Variants in NAP1L4 observed in about 807,000 individuals in gnomAD.
NAP1L4 encodes the protein nucleosome assembly protein 1 like 4.
Under a neutral mutation model 58.2 loss-of-function variants are expected in NAP1L4, and 15 were observed. The ratio of observed to expected loss-of-function variants is 0.26; its 90% CI spans 0.17 to 0.40. The LOEUF (loss-of-function observed/expected upper bound fraction) is 0.40, where lower values mean the gene tolerates loss of function less well. Ranked by LOEUF, NAP1L4 falls within the 10% of genes least tolerant of loss-of-function variation. The probability of loss-of-function intolerance (pLI) is 1.00; values close to 1 mark genes in which losing one functional copy is unlikely to be tolerated. For missense variants in NAP1L4, 384 were observed against 451.1 expected, an observed-to-expected ratio of 0.85 and a Z score of 1.35; for synonymous variants, 171 against 155.6, an observed-to-expected ratio of 1.10 and a Z score of -0.74.
Position 2,955,417 on chromosome 11 carries a change from A to G in NAP1L4, c.915+327T>C, listed in dbSNP as rs1436334523. ...AACGGGGTTTCACCATGTTGACCAG[A>G]CTGGTCTTGAACTCCTGACCTCTGG... On this transcript the variant is annotated intron_variant, in intron 11 of 15. Coordinates refer to ENST00000380542, the MANE Select transcript of NAP1L4 (RefSeq NM_005969.4). The surrounding 1 kb of genome is among the most constrained non-coding windows in gnomAD (Gnocchi z 4.2). Among the ~76,000 whole-genome samples, 1 of 151,280 alleles carries G rather than the reference A, an allele frequency of 6.6e-6. No individual in the cohort carries two copies. Among genetic ancestry groups the G allele is most frequent in the Non-Finnish European group, 1.5e-5 (1 of 67,828 alleles).
chr11:2,985,669 T>A (rs1848575541), intron 1 of NAP1L4, among the ~76,000 whole-genome samples: 1 of 152,190 alleles, frequency 6.6e-6, no homozygotes, highest in Non-Finnish European at 1.5e-5. Context: ...GCATTATACA[T>A]CATAAATATA....
intron 1 of NAP1L4, chr11:2,991,146 G>A (rs943428382): frequency 4.4e-6 from 2 of 456,050 alleles, no homozygotes; most frequent in African/African-American, 4.0e-5. Flanking sequence ...CAGTCACCCA[G>A]GCAGGTGATG....
chr11:2,970,057 T>C (rs1299801983), intron 6 of NAP1L4, 123 bp from the exon 7 acceptor site: 1 of 1,041,328 alleles, frequency 9.6e-7, no homozygotes, highest in Non-Finnish European at 1.3e-6. Flanking sequence ...TTTCTAAGTC[T>C]GCACCTCCAA....
intron 1 of NAP1L4, among the ~76,000 whole-genome samples, chr11:2,988,538 G>A (rs1363752848): frequency 6.6e-6 from 1 of 152,198 alleles, no homozygotes; most frequent in Non-Finnish European, 1.5e-5. Flanking sequence ...GTAAACAGAT[G>A]CAAATCACTG....
chr11:2,977,816 A>G (rs1848055121), intron 3 of NAP1L4, among the ~76,000 whole-genome samples: 1 of 151,646 alleles, frequency 6.6e-6, no homozygotes, highest in Non-Finnish European at 1.5e-5. Flanking sequence ...GAACAAAATG[A>G]CATTCTTAGG....
chr11:2,971,065 CA>C lies in NAP1L4; in HGVS notation c.402+382del, dbSNP rs1465471607. 6.6e-6 allele frequency among the ~76,000 whole-genome samples: 1 copy of C among 152,258 alleles called. No homozygotes were observed. Among genetic ancestry groups the C allele is most frequent in the Non-Finnish European group, 1.5e-5 (1 of 68,048 alleles). ...ACCAATCCACTGGCGGAGCACCTCT[CA>C]GGGGGCAAGCTAGTCCATGCCACTG... On this transcript the variant is annotated intron_variant, in intron 6 of 15. Transcript: ENST00000380542. This position sits in a 1 kb window ranked among gnomAD's most constrained non-coding sequence, Gnocchi z 4.2.
At chr11:2,981,474 G>A (rs1848307916) in intron 1 of NAP1L4, among the ~76,000 whole-genome samples, 2 of 144,564 alleles carry the variant, frequency 1.4e-5, no homozygotes, top group Non-Finnish European at 3.0e-5. Context: ...GGCTGGCTAT[G>A]CTCACCACCA....
intron 8 of NAP1L4, among the ~76,000 whole-genome samples, chr11:2,964,058 G>A (rs1041116514): frequency 6.6e-6 from 1 of 152,052 alleles, no homozygotes; most frequent in Non-Finnish European, 1.5e-5. Context: ...GCCATGGCAA[G>A]CATATTGTAA....
At chr11:2,983,994 GAAA>G (rs60380157) in intron 1 of NAP1L4, among the ~76,000 whole-genome samples, 2 of 137,196 alleles carry the variant, frequency 1.5e-5, no homozygotes, top group African/African-American at 2.8e-5. Flanking sequence ...AAAACAAAAA[GAAA>G]AAAAAAAAAA....
rs541341332 is a variant in NAP1L4, at chr11:2,946,844, T to C, written c.*33-1198A>G. ...CTGACATTCAAGGGTAGACTGAAGG[T>C]GGCCCAGTGTAGTGGCCAAGAACAC... On this transcript the variant is annotated intron_variant, in intron 15 of 15. Coordinates refer to ENST00000380542, the MANE Select transcript of NAP1L4 (RefSeq NM_005969.4). This position sits in a 1 kb window ranked among gnomAD's most constrained non-coding sequence, Gnocchi z 4.8. Among the ~76,000 whole-genome samples, 3 of 152,068 alleles carry C rather than the reference T, an allele frequency of 2.0e-5. No homozygotes were observed. Among genetic ancestry groups the C allele is most frequent in the Non-Finnish European group, 4.4e-5 (3 of 67,978 alleles).
chr11:2,951,759 C>T lies in NAP1L4; in HGVS notation c.1065+21G>A. On this transcript the variant is annotated intron_variant, in intron 13 of 15. Transcript: ENST00000380542. This position sits in a 1 kb window ranked among gnomAD's most constrained non-coding sequence, Gnocchi z 4.0. ...AACAACTTCAGGGAGGTAAGTGGCA[C>T]TGCATAAACCTGTCTCTTACCTCCT... 1 of 1,613,096 alleles carries T rather than the reference C, an allele frequency of 6.2e-7. No homozygotes were observed. Among genetic ancestry groups the T allele is most frequent in the Non-Finnish European group, 8.5e-7 (1 of 1,179,160 alleles).
chr11:2,961,988 A>C (rs1846948785), intron 8 of NAP1L4, among the ~76,000 whole-genome samples: 1 of 152,250 alleles, frequency 6.6e-6, no homozygotes, highest in South Asian at 2.1e-4. Flanking sequence ...AGACTGCTTC[A>C]TTCACACACG....
chr11:2,989,390 C>A (rs1848824137), intron 1 of NAP1L4: 1 of 152,198 alleles, frequency 6.6e-6, no homozygotes, highest in African/African-American at 2.4e-5. Flanking sequence ...TAACAGCACT[C>A]GCCTATTTCA....
Position 2,986,383 on chromosome 11 carries a change from AAAAAG to A in NAP1L4, c.-18+5866_-18+5870del, listed in dbSNP as rs766864847. Among the ~76,000 whole-genome samples the A allele has an allele frequency of 8.5e-3, 637 of 74,764 alleles. 2 individuals are homozygous for A. The highest frequency in any genetic ancestry group is 0.034 in the East Asian group (21 of 610). The allele number at this position is 74,764 out of a possible 152,430, so 49.0% of individuals were successfully genotyped here. ...AGCCAGACCCTGTCTCAAAAAAAAAAAAAAGAAAAAGAAAGGAAAAAAAAATTGGG... is the reference window on the plus strand; with the variant it reads ...AGCCAGACCCTGTCTCAAAAAAAAAAAAAAAGAAAGGAAAAAAAAATTGGG... On this transcript the variant is annotated intron_variant, in intron 1 of 15. Coordinates refer to ENST00000380542, the MANE Select transcript of NAP1L4 (RefSeq NM_005969.4).
rs150741079 is a variant in NAP1L4 at position 2,981,374 on chromosome 11, C to T, written c.-17-2137G>A. On this transcript the variant is annotated intron_variant, in intron 1 of 15. Coordinates refer to ENST00000380542, the MANE Select transcript of NAP1L4 (RefSeq NM_005969.4). ...TGGCGGCTGCAGTGACCTATGACTG[C>T]GCCACTGAACTCCAGCCTGGACAAC... 6.4e-3 allele frequency among the ~76,000 whole-genome samples: 854 copies of T among 133,310 alleles called. 6 individuals are homozygous for T. The highest frequency in any genetic ancestry group is 0.022 in the African/African-American group (800 of 36,046). The allele number at this position is 133,310 out of a possible 152,430, so 87.5% of individuals were successfully genotyped here.
At chr11:2,965,053 C>A (rs1847181499) in intron 7 of NAP1L4, among the ~76,000 whole-genome samples, 1 of 152,230 alleles carries the variant, frequency 6.6e-6, no homozygotes, top group Non-Finnish European at 1.5e-5. Flanking sequence ...GCCTTCACTG[C>A]TTTCCTGCCA....
rs1304210424 is a variant in NAP1L4, at chr11:2,969,836, G to A, written c.501C>T (p.Phe167=). The change falls in exon 7 of 16, where the codon TTC becomes TTT. Residue 167 remains phenylalanine, a synonymous_variant. Coordinates refer to ENST00000380542, the MANE Select transcript of NAP1L4 (RefSeq NM_005969.4). ...ATTCACTCAGCATGTCCACATTTCT[G>A]AAGATGGTAAACCAGAACTCTGGAA... ...KGIPEFWFTI[F]RNVDMLSELV... is the part of the protein sequence containing the mutation. 5 of 1,613,592 alleles carry A rather than the reference G, an allele frequency of 3.1e-6. No individual in the cohort carries two copies. Among genetic ancestry groups the A allele is most frequent in the African/African-American group, 1.3e-5 (1 of 74,910 alleles).
At chr11:2,976,966 T>C (rs1370335840) in intron 3 of NAP1L4, among the ~76,000 whole-genome samples, 1 of 149,506 alleles carries the variant, frequency 6.7e-6, no homozygotes, top group African/African-American at 2.5e-5. Flanking sequence ...TATTCTCCCA[T>C]CCCGAGTATT....
At chr11:2,985,621 A>G (rs1185705776) in intron 1 of NAP1L4, among the ~76,000 whole-genome samples, 1 of 152,244 alleles carries the variant, frequency 6.6e-6, no homozygotes, top group East Asian at 1.9e-4. Context: ...AATTAACTTG[A>G]CTTAGCCATT....
Sources: allele counts gnomAD v4.1 joint callset (sites outside exome capture counted in the v4.1 genomes callset), GRCh38; gene constraint gnomAD v4.1.1; non-coding constraint Gnocchi (gnomAD v3.1); transcripts MANE v1.5; gene names NCBI Gene and HGNC (gene_info 2026-07-23, HGNC 2026-07-21).